The following PLXND1 variants were observed in gnomAD, a reference collection of about 807,000 sequenced individuals.
PLXND1 encodes the protein plexin D1.
In PLXND1, 54 loss-of-function variants were observed where a neutral mutation model predicts 197.7. The ratio of observed to expected loss-of-function variants is 0.27; its 90% CI spans 0.22 to 0.34. The LOEUF (loss-of-function observed/expected upper bound fraction) is 0.34. Among genes scored for constraint, PLXND1 ranks in the 10% least tolerant of loss-of-function variants. The pLI, the probability that PLXND1 is intolerant of heterozygous loss-of-function variation, is 1.00. For synonymous variants in PLXND1, 1,180 were observed against 1,161.2 expected (o/e 1.02, Z -0.33); for missense variants, 2,127 against 2,699.2 (o/e 0.79, Z 4.70).
chr3:129,602,146 A>C (rs1324907019), intron 1 of PLXND1, among the ~76,000 whole-genome samples: 1 of 152,208 alleles, frequency 6.6e-6, no homozygotes, highest in African/African-American at 2.4e-5. Flanking sequence ...CCTAAGAGGC[A>C]GGTATTCACG....
In PLXND1 at chr3:129,583,914, C is replaced by T. The variant is rs1046228246; in HGVS notation, c.2138+211G>A. ...TGAGTATAATCAAAGCACTTTGCCC[C>T]GTCCCACCTGGCTGTCCACAGAGGC... On this transcript the variant is annotated intron_variant, in intron 7 of 35. Transcript: ENST00000324093. Among the ~76,000 whole-genome samples, 5 of 152,188 alleles carry T rather than the reference C, an allele frequency of 3.3e-5. 1 individual carries two copies. Among genetic ancestry groups the T allele is most frequent in the Non-Finnish European group, 4.4e-5 (3 of 68,038 alleles).
intron 1 of PLXND1, among the ~76,000 whole-genome samples, chr3:129,604,763 A>G (rs1455766373): frequency 2.6e-5 from 4 of 152,188 alleles, no homozygotes; most frequent in Admixed American, 2.6e-4. Context: ...CCGTTGTACC[A>G]GTGTCTGTGC....
chr3:129,566,640 G>A lies in PLXND1; in HGVS notation c.4087-9C>T, dbSNP rs1047139073. On this transcript the variant is annotated splice_polypyrimidine_tract_variant and intron_variant, in intron 22 of 35. Transcript: ENST00000324093. ...TCATAAAGGGAGGAACACTGCAGAG[G>A]CAGACCCCCAGCATCTCAGCGGGGC... 1.9e-6 allele frequency: 3 copies of A among 1,550,516 alleles called. No individual in the cohort carries two copies. The highest frequency in any genetic ancestry group is 1.4e-5 in the African/African-American group (1 of 73,836).
At chr3:129,586,564 G>T (rs768053877) in intron 3 of PLXND1, 24 bp downstream of exon 3, 6 of 1,559,980 alleles carry the variant, frequency 3.8e-6, no homozygotes, top group Non-Finnish European at 5.2e-6. Flanking sequence ...CTGGGATGGC[G>T]TTGGGCTGGG....
Position 129,555,592 on chromosome 3 carries a change from CAAG to C in PLXND1, c.*717_*719del. 2 of 638,838 alleles carry C rather than the reference CAAG, an allele frequency of 3.1e-6. No individual in the cohort carries two copies. The allele number at this position is 638,838 out of a possible 1,614,324, so 39.6% of individuals were successfully genotyped here. A position where few individuals can be genotyped will look rare whatever the true frequency, so the allele number is the denominator to read the frequency against. On this transcript the variant is annotated 3_prime_UTR_variant, in exon 36 of 36. Transcript: ENST00000324093. ...TCTTTAGAAACACTTTCAGCAAGATCAAGTAGCCCAGCTACAGCCTCGGTGCAT... is the reference window on the plus strand; with the variant it reads ...TCTTTAGAAACACTTTCAGCAAGATCTAGCCCAGCTACAGCCTCGGTGCAT...
intron 1 of PLXND1, among the ~76,000 whole-genome samples, chr3:129,590,063 G>A (rs1314386956): frequency 6.6e-6 from 1 of 152,058 alleles, no homozygotes; most frequent in Admixed American, 6.5e-5. Context: ...CTGACCCTAG[G>A]ACCACCACCC....
intron 1 of PLXND1, among the ~76,000 whole-genome samples, chr3:129,596,263 T>A (rs2085621248): frequency 6.6e-6 from 1 of 152,136 alleles, no homozygotes; most frequent in Admixed American, 6.5e-5. Context: ...CATCCGAGGC[T>A]GGATGGGCTA....
chr3:129,589,307 G>GCCGGGGCCCCCCCCCCCCCCCCC, intron 2 of PLXND1, 44 bp downstream of exon 2: 1 of 684,692 alleles, frequency 1.5e-6, no homozygotes, highest in Non-Finnish European at 2.6e-6. Flanking sequence ...TCCCAGGGGA[G>GCCGGGGCCCCCCCCCCCCCCCCC]CCTCCCACCC....
intron 23 of PLXND1, among the ~76,000 whole-genome samples, 196 bp downstream of exon 23, chr3:129,566,331 C>T (rs934162874): frequency 4.6e-5 from 7 of 151,544 alleles, no homozygotes; most frequent in East Asian, 1.9e-4. Flanking sequence ...ACCTGGCCTG[C>T]GGGGGCAGCA....
chr3:129,563,109 G>C lies in PLXND1; in HGVS notation c.4653C>G (p.Ile1551Met). Residue 1551 changes from isoleucine to methionine, a missense_variant, in exon 26 of 36, where the codon ATC becomes ATG. Physicochemically the swap from Ile to Met is conservative, Grantham distance 10. Around this residue, in one of 6 missense-constraint regions of PLXND1, gnomAD observed 532 missense variants for 811.0 expected, o/e 0.66. Transcript: ENST00000324093. ...GCCGACTTACCCGGGGCTTGGCCTC[G>C]ATGTTCTCCCGCAGCAGCCACTCCT... ...LSEEWLLREN[I>M]EAKPRNLNVS... 1.2e-6 allele frequency: 2 copies of C among 1,613,568 alleles called. No individual in the cohort carries two copies. Among genetic ancestry groups the C allele is most frequent in the Non-Finnish European group, 1.7e-6 (2 of 1,179,778 alleles).
chr3:129,605,499 C>A lies in PLXND1; in HGVS notation c.1141G>T (p.Ala381Ser). Residue 381 changes from alanine (A) to serine (S), a missense_variant, in exon 1 of 36, where the codon GCC (alanine) becomes TCC (serine). By Grantham distance (99) the Ala-to-Ser change is moderately conservative (BLOSUM62 1). Transcript: ENST00000324093. ...VFERPQGSPA[A>S]RAAPAALCAF... ...CAGAGTGCGGCCGGAGCAGCGCGGG[C>A]CGCGGGGGACCCCTGGGGCCGCTCG... The A allele has an allele frequency of 6.7e-7, 1 of 1,493,202 alleles. No homozygotes were observed. The highest frequency in any genetic ancestry group is 8.8e-7 in the Non-Finnish European group (1 of 1,130,468). 92.5% of individuals were successfully genotyped at this position (1,493,202 alleles called of 1,614,324 possible).
intron 1 of PLXND1, among the ~76,000 whole-genome samples, chr3:129,598,025 G>A (rs1353303058): frequency 6.6e-6 from 1 of 152,132 alleles, no homozygotes; most frequent in East Asian, 1.9e-4. Flanking sequence ...GCAGCCACAG[G>A]GTCCCTTCCG....
chr3:129,565,245 G>C, intron 25 of PLXND1, 95 bp downstream of exon 25: 1 of 1,004,534 alleles, frequency 1.0e-6, no homozygotes, highest in Admixed American at 1.8e-5. Flanking sequence ...CTGGCCTGAG[G>C]GTGCCAGGGA....
intron 7 of PLXND1, 129 bp downstream of exon 7, chr3:129,583,995 AC>A: frequency 1.5e-6 from 1 of 659,132 alleles, no homozygotes; most frequent in Middle Eastern, 3.3e-4. Context: ...TGGTGAATGA[AC>A]AACTGAAGGG....
chr3:129,584,127 T>G lies in PLXND1; in HGVS notation c.2136A>C (p.Thr712=), dbSNP rs1251148768. 2.6e-6 allele frequency: 4 copies of G among 1,555,180 alleles called. No homozygotes were observed. The highest frequency in any genetic ancestry group is 3.5e-6 in the Non-Finnish European group (4 of 1,147,080). ...GGCAAGCCACCCAAGCCACTCACGC[T>G]GTGTGGGGGTACACTTGTGCAGTGC... The part of the protein sequence containing the change: ...CSRTAQVYPH[T]ACTSCLSAQW... The change falls in exon 7 of 36, where the codon ACA becomes ACC. Residue 712 remains threonine (T), a splice_region_variant and synonymous_variant. Transcript: ENST00000324093.
chr3:129,586,263 C>A lies in PLXND1; in HGVS notation c.1630G>T (p.Val544Leu). ...YLMTSHQMAR[V>L]KVAACNVHST... ...TGCACGTTGCAGGCGGCGACCTTCA[C>A]CCTGGCCATCTGGGGGCAGAGGTGG... Residue 544 changes from valine to leucine, a missense_variant, in exon 4 of 36, where the codon GTG becomes TTG. By Grantham distance (32) the Val-to-Leu change is conservative. Around this residue, in one of 6 missense-constraint regions of PLXND1, gnomAD observed 1,095 missense variants for 1,259.8 expected, o/e 0.87. Transcript: ENST00000324093. 6.3e-7 allele frequency: 1 copy of A among 1,577,070 alleles called. No homozygotes were observed. The highest frequency in any genetic ancestry group is 8.6e-7 in the Non-Finnish European group (1 of 1,167,782).
At chr3:129,559,524 C>A in intron 32 of PLXND1, 96 bp downstream of exon 32, 1 of 971,168 alleles carries the variant, frequency 1.0e-6, no homozygotes, top group Non-Finnish European at 1.5e-6. Flanking sequence ...GAGGGCTTGA[C>A]CCCAAGCAGG....
intron 2 of PLXND1, 41 bp downstream of exon 2, chr3:129,589,310 T>TGCCGCCCCCCCCCCCCCCCCCC: frequency 2.0e-6 from 1 of 501,294 alleles, no homozygotes; most frequent in Non-Finnish European, 3.8e-6. Flanking sequence ...CAGGGGAGCC[T>TGCCGCCCCCCCCCCCCCCCCCC]CCCACCCCCA....
At chr3:129,560,289 T>C (rs1430632320) in intron 31 of PLXND1, 41 bp downstream of exon 31, 1 of 1,289,884 alleles carries the variant, frequency 7.8e-7, no homozygotes, top group Non-Finnish European at 1.1e-6. Context: ...GGCTGGAGCC[T>C]TGTACCCACT....
Sources: gnomAD v4.1 joint callset for allele counts (sites outside exome capture counted in the v4.1 genomes callset) on GRCh38, gnomAD v4.1.1 for gene constraint, gnomAD v4.1.1 regional missense constraint, MANE v1.5 for transcripts, NCBI Gene and HGNC (gene_info 2026-07-23, HGNC 2026-07-21) for gene names.